The following SETBP1 variants were observed in gnomAD, a reference collection of about 807,000 sequenced individuals.
The protein encoded by SETBP1 is SET binding protein 1.
A neutral mutation model predicts 101.0 loss-of-function variants in SETBP1; 9 were observed. The ratio of observed to expected loss-of-function variants is 0.09; its 90% CI spans 0.05 to 0.16. The LOEUF is 0.16. SETBP1 is among the 10% of genes least tolerant of loss of function. The pLI, the probability that SETBP1 is intolerant of heterozygous loss-of-function variation, is 1.00. For synonymous variants in SETBP1, 818 were observed against 788.5 expected, an observed-to-expected ratio of 1.04 and a Z score of -0.63; for missense variants, 1,858 against 2,033.8, an observed-to-expected ratio of 0.91 and a Z score of 1.66.
intron 5 of SETBP1, among the ~76,000 whole-genome samples, chr18:45,053,111 C>T (rs73952949): frequency 1.7e-4 from 26 of 151,676 alleles, no homozygotes; most frequent in African/African-American, 6.3e-4. Context: ...CATGAGCCAA[C>T]AGTAGAATGT....
At chr18:44,781,538 G>A (rs1371364166) in intron 2 of SETBP1, among the ~76,000 whole-genome samples, 1 of 124,230 alleles carries the variant, frequency 8.0e-6, no homozygotes, top group African/African-American at 3.2e-5. Flanking sequence ...CTATATCTCA[G>A]GGAGAGGTCC....
At chr18:44,787,228 T>C (rs1474092831) in intron 2 of SETBP1, among the ~76,000 whole-genome samples, 1 of 152,162 alleles carries the variant, frequency 6.6e-6, no homozygotes, top group African/African-American at 2.4e-5. Context: ...TTGTTTATGG[T>C]GATATAGCTT....
At chr18:44,989,170 A>G (rs1344927172) in intron 4 of SETBP1, 2 of 152,232 alleles carry the variant, frequency 1.3e-5, no homozygotes, top group African/African-American at 4.8e-5. Context: ...GAATCCCCTC[A>G]ACTACAAGAT....
chr18:44,940,978 G>C (rs761417911), intron 3 of SETBP1, among the ~76,000 whole-genome samples: 1 of 150,960 alleles, frequency 6.6e-6, no homozygotes, highest in African/African-American at 2.4e-5. Flanking sequence ...GAATATTTTC[G>C]CTGGATATAT....
intron 3 of SETBP1, chr18:44,876,824 GC>G: frequency 7.0e-7 from 1 of 1,433,318 alleles, no homozygotes; most frequent in Non-Finnish European, 9.2e-7. Flanking sequence ...ATGGAGACTT[GC>G]CCAAGATTGT....
At chr18:44,872,682 C>T (rs1027492501) in intron 3 of SETBP1, among the ~76,000 whole-genome samples, 6 of 152,246 alleles carry the variant, frequency 3.9e-5, no homozygotes, top group Admixed American at 6.5e-5. Context: ...TCAGTTCCTA[C>T]AAGAATGTGC....
chr18:44,952,551 G>C lies in SETBP1; in HGVS notation c.3211G>C (p.Ala1071Pro). ...CCTTGGTTATTACGGTCAGTACCCA[G>C]CTCCTTTGTACCTATCGCACACGCT... ...MNLGYYGQYP[A>P]PLYLSHTLGA... The change falls in exon 4 of 6, where the codon GCT (alanine) becomes CCT (proline). Residue 1071 changes from alanine (A) to proline (P), a missense_variant. Physicochemically the swap from Ala to Pro is conservative, Grantham distance 27. Coordinates refer to ENST00000649279, the MANE Select transcript of SETBP1 (RefSeq NM_015559.3). The C allele has an allele frequency of 6.2e-7, 1 of 1,614,112 alleles. No individual in the cohort carries two copies. Among genetic ancestry groups the C allele is most frequent in the Non-Finnish European group, 8.5e-7 (1 of 1,180,040 alleles).
chr18:44,886,962 T>C (rs748804795), intron 3 of SETBP1, among the ~76,000 whole-genome samples: 16 of 152,014 alleles, frequency 1.1e-4, no homozygotes, highest in Non-Finnish European at 2.4e-4. Context: ...CAGGAACACT[T>C]GTTGGCTGAA....
intron 3 of SETBP1, among the ~76,000 whole-genome samples, chr18:44,904,713 G>C (rs1192796596): frequency 6.6e-6 from 1 of 152,152 alleles, no homozygotes; most frequent in Non-Finnish European, 1.5e-5. Flanking sequence ...GATGTTTCTG[G>C]CTAGTAAGCA....
chr18:45,024,178 TTG>T (rs2073122158), intron 4 of SETBP1, among the ~76,000 whole-genome samples: 1 of 152,180 alleles, frequency 6.6e-6, no homozygotes, highest in Non-Finnish European at 1.5e-5. Context: ...AGGCTGTTTC[TTG>T]TGTCTTGAGA....
At chr18:44,956,048 ATCTCT>A (rs2071473678) in intron 4 of SETBP1, among the ~76,000 whole-genome samples, 1 of 151,950 alleles carries the variant, frequency 6.6e-6, no homozygotes, top group Admixed American at 6.6e-5. Context: ...CTTTGTTTCT[ATCTCT>A]GTCCTCTATG....
chr18:44,744,551 C>T (rs986674976), intron 2 of SETBP1, among the ~76,000 whole-genome samples: 2 of 152,210 alleles, frequency 1.3e-5, no homozygotes, highest in African/African-American at 4.8e-5. Flanking sequence ...TCACACGGGG[C>T]ACTGCTGCAC....
chr18:45,010,742 A>G (rs189764615), intron 4 of SETBP1, among the ~76,000 whole-genome samples: 3 of 152,366 alleles, frequency 2.0e-5, no homozygotes, highest in African/African-American at 7.2e-5. Context: ...GCTTAATACT[A>G]TGCATTTATA....
intron 3 of SETBP1, among the ~76,000 whole-genome samples, chr18:44,872,522 T>G (rs1202068264): frequency 2.6e-5 from 4 of 152,230 alleles, no homozygotes; most frequent in African/African-American, 9.6e-5. Context: ...CCATCATTCA[T>G]TTACTACCCC....
intron 3 of SETBP1, among the ~76,000 whole-genome samples, chr18:44,929,210 G>A (rs1001341544): frequency 5.9e-5 from 9 of 152,112 alleles, no homozygotes; most frequent in Non-Finnish European, 1.3e-4. Context: ...CCCATTTCTT[G>A]TTTTTGTCAG....
At chr18:44,916,379 G>T (rs993198880) in intron 3 of SETBP1, among the ~76,000 whole-genome samples, 1 of 152,164 alleles carries the variant, frequency 6.6e-6, no homozygotes, top group South Asian at 2.1e-4. Flanking sequence ...CCTGATGAAA[G>T]GTTCCTTGGA....
intron 2 of SETBP1, among the ~76,000 whole-genome samples, chr18:44,831,351 G>T (rs149894872): frequency 0.011 from 1,601 of 152,314 alleles, 17 homozygotes; most frequent in Non-Finnish European, 0.018. Context: ...GCAAGTTTCA[G>T]AATTTCCCCT....
intron 2 of SETBP1, among the ~76,000 whole-genome samples, chr18:44,758,053 T>A (rs983051262): frequency 6.6e-6 from 1 of 152,130 alleles, no homozygotes; most frequent in Non-Finnish European, 1.5e-5. Context: ...GACTCTCTTA[T>A]CAGGAGGGAG....
chr18:44,931,151 T>A (rs1375575997), intron 3 of SETBP1, among the ~76,000 whole-genome samples: 1 of 152,224 alleles, frequency 6.6e-6, no homozygotes, highest in Non-Finnish European at 1.5e-5. Context: ...TTTGTTCTCA[T>A]TGGTTTCAAA....
Sources: allele counts gnomAD v4.1 joint callset (sites outside exome capture counted in the v4.1 genomes callset), GRCh38; gene constraint gnomAD v4.1.1; transcripts MANE v1.5; gene names NCBI Gene and HGNC (gene_info 2026-07-23, HGNC 2026-07-21).